FNIP1: variants seen among roughly 807,000 people sequenced by gnomAD.
The protein encoded by FNIP1 is folliculin interacting protein 1.
A neutral mutation model predicts 124.5 loss-of-function variants in FNIP1; 40 were observed. The observed-to-expected ratio is 0.32, with a 90% confidence interval of 0.25 to 0.42. The LOEUF (loss-of-function observed/expected upper bound fraction) is 0.42, where lower values mean the gene tolerates loss of function less well. FNIP1 is among the 10% of genes least tolerant of loss of function. The probability of loss-of-function intolerance (pLI) is 1.00; values close to 1 mark genes in which losing one functional copy is unlikely to be tolerated. For missense variants in FNIP1, 1,176 were observed against 1,403.7 expected, an observed-to-expected ratio of 0.84 and a Z score of 2.59; for synonymous variants, 472 against 470.6, an observed-to-expected ratio of 1.00 and a Z score of -0.04.
In FNIP1 at chr5:131,667,550, C is replaced by T. The variant is rs888917274; in HGVS notation, c.3108+2913G>A. ...ACATTTTCTCATCCATAATTTCCCA[C>T]TTGGCTTTCTTCACTTCTGTTTTTT... On this transcript the variant is annotated intron_variant, in intron 15 of 17. Coordinates refer to ENST00000510461, the MANE Select transcript of FNIP1 (RefSeq NM_133372.3). 3.3e-5 allele frequency among the ~76,000 whole-genome samples: 5 copies of T among 150,830 alleles called. No individual in the cohort carries two copies. The Admixed American group carries it at 3.3e-4, about 10-fold the overall frequency.
intron 11 of FNIP1, among the ~76,000 whole-genome samples, chr5:131,691,664 C>T (rs1455409951): frequency 1.3e-5 from 2 of 151,982 alleles, no homozygotes; most frequent in Admixed American, 1.3e-4. Flanking sequence ...ATACTATGAA[C>T]GTTAAAAGGA....
intron 15 of FNIP1, 94 bp from the exon 16 acceptor site, chr5:131,652,093 G>GA (rs898344564): frequency 6.0e-4 from 706 of 1,169,032 alleles, no homozygotes; most frequent in Non-Finnish European, 7.1e-4. Flanking sequence ...AACAAAAACA[G>GA]AAAAAAAAAT....
chr5:131,704,793 G>A (rs1769028001), intron 9 of FNIP1, among the ~76,000 whole-genome samples: 1 of 152,066 alleles, frequency 6.6e-6, no homozygotes, highest in South Asian at 2.1e-4. Context: ...ATCAAAACAT[G>A]TAGTATATAA....
chr5:131,682,327 A>G (rs534134437), intron 11 of FNIP1, among the ~76,000 whole-genome samples: 46 of 152,206 alleles, frequency 3.0e-4, no homozygotes, highest in Non-Finnish European at 6.3e-4. Context: ...TATATATGCT[A>G]TGGCCTCAGA....
intron 1 of FNIP1, among the ~76,000 whole-genome samples, chr5:131,791,176 T>C (rs1003111462): frequency 2.6e-5 from 4 of 152,234 alleles, no homozygotes; most frequent in African/African-American, 9.6e-5. Context: ...TGCTCCCTTT[T>C]CTGTAGCAAG....
At chr5:131,784,880 A>G (rs1329517611) in intron 1 of FNIP1, among the ~76,000 whole-genome samples, 2 of 149,408 alleles carry the variant, frequency 1.3e-5, no homozygotes, top group Non-Finnish European at 3.0e-5. Flanking sequence ...AAAAACAGCA[A>G]AAGTAATTGA....
At chr5:131,784,471 A>AT (rs1772095330) in intron 1 of FNIP1, among the ~76,000 whole-genome samples, 1 of 152,206 alleles carries the variant, frequency 6.6e-6, no homozygotes, top group Non-Finnish European at 1.5e-5. Flanking sequence ...TAAATCTTTA[A>AT]TTATCAGGAA....
intron 15 of FNIP1, among the ~76,000 whole-genome samples, chr5:131,666,718 A>C (rs1196096229): frequency 1.3e-5 from 2 of 152,226 alleles, no homozygotes; most frequent in African/African-American, 4.8e-5. Context: ...GGACACAGTA[A>C]GGCAACAATA....
intron 13 of FNIP1, among the ~76,000 whole-genome samples, chr5:131,676,631 C>T (rs1482881805): frequency 5.3e-5 from 8 of 152,010 alleles, no homozygotes; most frequent in African/African-American, 1.4e-4. Context: ...TGGTGTTACG[C>T]GCCTGTAGTC....
At chr5:131,794,228 C>CT (rs1211392852) in intron 1 of FNIP1, among the ~76,000 whole-genome samples, 2 of 69,350 alleles carry the variant, frequency 2.9e-5, no homozygotes, top group Non-Finnish European at 5.0e-5. Flanking sequence ...GAGACTCCAT[C>CT]TAAAAAAAAA....
At chr5:131,699,125 G>T (rs1356319266) in intron 10 of FNIP1, 123 bp from the exon 11 acceptor site, 3 of 594,274 alleles carry the variant, frequency 5.0e-6, no homozygotes, top group Non-Finnish European at 8.1e-6. Context: ...TATCGAGAAA[G>T]AAATAAAGAA....
At chr5:131,772,272 G>A (rs146928749) in intron 1 of FNIP1, among the ~76,000 whole-genome samples, 83 of 152,176 alleles carry the variant, frequency 5.5e-4, no homozygotes, top group Middle Eastern at 3.4e-3. Context: ...TCACTAAAAG[G>A]TACAGGGAAC....
chr5:131,677,693 G>C lies in FNIP1; in HGVS notation c.1519+10C>G. ...CTAATACATAGTGTAACAGTTGTCA[G>C]ATTACATACCCAGTTGTGCCCAAAG... On this transcript the variant is annotated intron_variant, in intron 13 of 17. Coordinates refer to ENST00000510461, the MANE Select transcript of FNIP1 (RefSeq NM_133372.3). The C allele has an allele frequency of 6.2e-7, 1 of 1,609,986 alleles. No homozygotes were observed. Among genetic ancestry groups the C allele is most frequent in the African/African-American group, 1.3e-5 (1 of 74,962 alleles).
chr5:131,767,253 G>A (rs1252150392), intron 1 of FNIP1, among the ~76,000 whole-genome samples: 15 of 151,708 alleles, frequency 9.9e-5, no homozygotes, highest in Admixed American at 9.9e-4. Flanking sequence ...CCAACATGGT[G>A]AAACCCTGTC....
intron 2 of FNIP1, among the ~76,000 whole-genome samples, chr5:131,732,042 T>C (rs1457644159): frequency 6.6e-6 from 1 of 152,202 alleles, no homozygotes; most frequent in Non-Finnish European, 1.5e-5. Context: ...GAAAAATGTA[T>C]TTCTTTTTAA....
chr5:131,785,007 AC>A (rs1254217643), intron 1 of FNIP1, among the ~76,000 whole-genome samples: 34 of 45,650 alleles, frequency 7.4e-4, no homozygotes, highest in South Asian at 2.0e-3. Context: ...GATATATATG[AC>A]TATATATATG....
At chr5:131,743,944 A>G (rs535674250) in intron 2 of FNIP1, among the ~76,000 whole-genome samples, 3 of 152,288 alleles carry the variant, frequency 2.0e-5, no homozygotes, top group East Asian at 3.9e-4. Flanking sequence ...GTTTCCAAGC[A>G]AAGAGAAAAG....
At chr5:131,725,643 C>T (rs1208027798) in intron 3 of FNIP1, among the ~76,000 whole-genome samples, 1 of 152,194 alleles carries the variant, frequency 6.6e-6, no homozygotes, top group Non-Finnish European at 1.5e-5. Flanking sequence ...CATCTGCAAA[C>T]AGCAACAATT....
At chr5:131,794,283 A>C (rs1772505367) in intron 1 of FNIP1, among the ~76,000 whole-genome samples, 1 of 151,392 alleles carries the variant, frequency 6.6e-6, no homozygotes, top group Non-Finnish European at 1.5e-5. Context: ...TTACAATAAA[A>C]ATTTTTAATT....
Sources: gnomAD v4.1 joint callset for allele counts (sites outside exome capture counted in the v4.1 genomes callset) on GRCh38, gnomAD v4.1.1 for gene constraint, MANE v1.5 for transcripts, NCBI Gene and HGNC (gene_info 2026-07-23, HGNC 2026-07-21) for gene names.